Variants in ECI1 observed in about 807,000 individuals in gnomAD.
ECI1 encodes enoyl-CoA delta isomerase 1.
A neutral mutation model predicts 34.2 loss-of-function variants in ECI1; 34 were observed. The ratio of observed to expected loss-of-function variants is 1.00; its 90% CI spans 0.76 to 1.33. The LOEUF is 1.33. Among genes scored for constraint, ECI1 ranks in the 40% most tolerant of loss-of-function variants. The pLI, the probability that ECI1 is intolerant of heterozygous loss-of-function variation, is 0.00. For synonymous variants in ECI1, 211 were observed against 193.0 expected (o/e 1.09, Z -0.77); for missense variants, 456 against 422.2 (o/e 1.08, Z -0.70).
At chr16:2,243,590 T>C in intron 4 of ECI1, 151 bp from the exon 5 acceptor site, 1 of 955,136 alleles carries the variant, frequency 1.0e-6, no homozygotes, top group African/African-American at 1.6e-5. Flanking sequence ...GGGCTGGGTG[T>C]GCACTGGGAA....
rs760295331 is a variant in ECI1, at chr16:2,239,942, G to A, written c.*37C>T. On this transcript the variant is annotated 3_prime_UTR_variant, in exon 7 of 7. Transcript: ENST00000301729. ...TTTAAGACCTCCCTGGGACCCACAG[G>A]GGCACGTGTGGCCGTAAGCCTGTGG... 5 of 1,610,584 alleles carry A rather than the reference G, an allele frequency of 3.1e-6. No individual in the cohort carries two copies. The highest frequency in any genetic ancestry group is 3.4e-6 in the Non-Finnish European group (4 of 1,177,484).
rs547538145 is a variant in ECI1 at position 2,246,198 on chromosome 16, A to G, written c.294+661T>C. 1.1e-4 allele frequency among the ~76,000 whole-genome samples: 16 copies of G among 152,280 alleles called. No individual in the cohort carries two copies. In the South Asian group the frequency reaches 3.3e-3, roughly 32 times the overall value. Reference sequence around the variant, plus strand: ...TAATGACACCGTTCCCACAGATGACACGCCTAGCGTTCGCCAGCACTCAGG... The same window carrying G: ...TAATGACACCGTTCCCACAGATGACGCGCCTAGCGTTCGCCAGCACTCAGG... On this transcript the variant is annotated intron_variant, in intron 3 of 6. Transcript: ENST00000301729.
At chr16:2,251,290 G>A (rs1268625499) in intron 2 of ECI1, 26 bp downstream of exon 2, 3 of 1,081,520 alleles carry the variant, frequency 2.8e-6, no homozygotes, top group Non-Finnish European at 2.3e-6. Context: ...CCCCACGCCC[G>A]CCCTCCCTCG....
Position 2,246,874 on chromosome 16 carries a change from A to G in ECI1, c.279T>C (p.Gly93=). 6.2e-7 allele frequency: 1 copy of G among 1,613,018 alleles called. No individual in the cohort carries two copies. The highest frequency in any genetic ancestry group is 1.1e-5 in the South Asian group (1 of 91,034). ...EKLENDKSFR[G]VILTSDRPGV... Reference sequence around the variant, plus strand: ...TAGCACCTACCGAGGTCAGAATGACACCGCGGAAGCTCTTGTCATTCTCCA... The same window carrying G: ...TAGCACCTACCGAGGTCAGAATGACGCCGCGGAAGCTCTTGTCATTCTCCA... Residue 93 remains glycine (G), a synonymous_variant, in exon 3 of 7, where the codon GGT becomes GGC. Transcript: ENST00000301729.
chr16:2,246,716 G>C (rs900408381), intron 3 of ECI1, 143 bp downstream of exon 3: 3 of 1,301,142 alleles, frequency 2.3e-6, no homozygotes, highest in Admixed American at 3.5e-5. Context: ...AAGGCGCCTG[G>C]AGTCCAGGGT....
chr16:2,240,403 A>C (rs547678847), intron 6 of ECI1: 1 of 430,298 alleles, frequency 2.3e-6, no homozygotes, highest in East Asian at 4.9e-5. Context: ...TAGAGATGGG[A>C]TTTCCTCATG....
chr16:2,247,094 A>G, intron 2 of ECI1, 108 bp from the exon 3 acceptor site: 1 of 1,314,524 alleles, frequency 7.6e-7, no homozygotes, highest in Non-Finnish European at 1.1e-6. Flanking sequence ...TGGGGGTTTT[A>G]TTTATTAATT....
intron 3 of ECI1, among the ~76,000 whole-genome samples, chr16:2,245,778 C>A (rs1002930056): frequency 6.6e-6 from 1 of 152,054 alleles, no homozygotes; most frequent in Admixed American, 6.6e-5. Flanking sequence ...ACTGGGGAGC[C>A]GAGGTGGGAG....
intron 3 of ECI1, 113 bp from the exon 4 acceptor site, chr16:2,244,665 C>T (rs1596785860): frequency 8.3e-7 from 1 of 1,205,284 alleles, no homozygotes; most frequent in Non-Finnish European, 1.2e-6. Flanking sequence ...AGGTCACGCT[C>T]AGGGTGTGGG....
chr16:2,245,084 G>A (rs1197848373), intron 3 of ECI1, among the ~76,000 whole-genome samples: 1 of 152,198 alleles, frequency 6.6e-6, no homozygotes, highest in East Asian at 1.9e-4. Context: ...CACGGCTGGA[G>A]TAGCGGGCGC....
At chr16:2,246,559 AG>A (rs1374721045) in intron 3 of ECI1, among the ~76,000 whole-genome samples, 2 of 152,172 alleles carry the variant, frequency 1.3e-5, no homozygotes. Flanking sequence ...TCTCCCGGGA[AG>A]GGCGTCTCTT....
intron 2 of ECI1, among the ~76,000 whole-genome samples, chr16:2,248,321 G>T (rs895285130): frequency 6.6e-6 from 1 of 151,856 alleles, no homozygotes; most frequent in African/African-American, 2.4e-5. Context: ...GGATGGTCTC[G>T]ATCTCTTGAC....
At chr16:2,240,397 G>C in intron 6 of ECI1, 1 of 447,246 alleles carries the variant, frequency 2.2e-6, no homozygotes, top group Non-Finnish European at 4.1e-6. Context: ...TTTTAGTAGA[G>C]ATGGGATTTC....
In ECI1 at chr16:2,243,068, T is replaced by A; in HGVS notation, c.720A>T (p.Ile240=). 1 of 1,604,184 alleles carries A rather than the reference T, an allele frequency of 6.2e-7. No homozygotes were observed. The highest frequency in any genetic ancestry group is 8.5e-7 in the Non-Finnish European group (1 of 1,179,870). The change falls in exon 6 of 7, where the codon ATA becomes ATT. Residue 240 remains isoleucine, a synonymous_variant. Transcript: ENST00000301729. Reference sequence around the variant, plus strand: ...CACCTGGAATGGCCATCCACTGGGCTATCGCTGACAGCGCAGTGCTCTGCA... The same window carrying A: ...CACCTGGAATGGCCATCCACTGGGCAATCGCTGACAGCGCAGTGCTCTGCA... The part of the protein sequence containing the change: ...EQVQSTALSA[I]AQWMAIPDHA...
Position 2,243,395 on chromosome 16 carries a change from G to C in ECI1, c.486C>G (p.Asp162Glu). Reference sequence around the variant, plus strand: ...TGGGGTTGTCCGCCAGGATGCGGTAGTCACAGGTCAGGGCCACCAGGCAGC... The same window carrying C: ...TGGGGTTGTCCGCCAGGATGCGGTACTCACAGGTCAGGGCCACCAGGCAGC... ...AGGCLVALTC[D>E]YRILADNPRY... Residue 162 changes from aspartate (D) to glutamate (E), a missense_variant, in exon 5 of 7, where the codon GAC (aspartate) becomes GAG (glutamate). Physicochemically the swap from Asp to Glu is conservative, Grantham distance 45. Transcript: ENST00000301729. The C allele has an allele frequency of 6.2e-7, 1 of 1,613,630 alleles. No individual in the cohort carries two copies.
intron 3 of ECI1, 25 bp from the exon 4 acceptor site, chr16:2,244,577 GCC>G: frequency 6.4e-7 from 1 of 1,565,290 alleles, no homozygotes; most frequent in Non-Finnish European, 8.7e-7. Flanking sequence ...GGGGCCACAT[GCC>G]CATCAGAGTC....
chr16:2,243,166 G>A lies in ECI1; in HGVS notation c.622C>T (p.Leu208=). The change falls in exon 6 of 7, where the codon CTG becomes TTG. Residue 208 remains leucine (L), a synonymous_variant. Coordinates refer to ENST00000301729, the MANE Select transcript of ECI1 (RefSeq NM_001919.4). ...TCCGCCGGCGGGAAGAGCAGCCCCA[G>A]CTGCAGGGCACGCTCCGCCGCCCGG... ...GHRAAERALQ[L]GLLFPPAEAL... is the part of the protein sequence containing the mutation. 6.2e-7 allele frequency: 1 copy of A among 1,608,002 alleles called. No homozygotes were observed. Among genetic ancestry groups the A allele is most frequent in the Non-Finnish European group, 8.5e-7 (1 of 1,179,810 alleles).
At chr16:2,245,900 G>A (rs1567313990) in intron 3 of ECI1, among the ~76,000 whole-genome samples, 1 of 152,056 alleles carries the variant, frequency 6.6e-6, no homozygotes, top group African/African-American at 2.4e-5. Flanking sequence ...AGGAGGCGGA[G>A]GTTGTAGTAA....
At position 2,239,526 on chromosome 16, in the gene ECI1, G is replaced by A. The variant is rs934084414; in HGVS notation, c.*453C>T. The A allele has an allele frequency of 6.6e-5, 16 of 243,922 alleles. No individual in the cohort carries two copies. Among genetic ancestry groups the A allele is most frequent in the South Asian group, 1.6e-4 (3 of 19,206 alleles). 15.1% of individuals were successfully genotyped at this position (243,922 alleles called of 1,614,324 possible). A position where few individuals can be genotyped will look rare whatever the true frequency, so the allele number is the denominator to read the frequency against. ...CCCCAGTTGCTCTGATTCACTGTGC[G>A]CTCTTCATCCTGATGAGTAAGGGCA... On this transcript the variant is annotated 3_prime_UTR_variant, in exon 7 of 7. Transcript: ENST00000301729.
Sources: gnomAD v4.1 joint callset for allele counts (sites outside exome capture counted in the v4.1 genomes callset) on GRCh38, gnomAD v4.1.1 for gene constraint, MANE v1.5 for transcripts, NCBI Gene and HGNC (gene_info 2026-07-23, HGNC 2026-07-21) for gene names.